Variants in DLC1 observed in about 807,000 individuals in gnomAD.
DLC1 encodes DLC1 Rho GTPase activating protein, also known as rho GTPase-activating protein 7.
A neutral mutation model predicts 140.3 loss-of-function variants in DLC1; 54 were observed. That is an observed-to-expected ratio of 0.38 (90% CI 0.31 to 0.48). The LOEUF (loss-of-function observed/expected upper bound fraction) is 0.48. DLC1 is among the 20% of genes least tolerant of loss of function. The probability of loss-of-function intolerance (pLI) is 0.96; values close to 1 mark genes in which losing one functional copy is unlikely to be tolerated. For synonymous variants in DLC1, 986 were observed against 728.1 expected (o/e 1.35, Z -5.70); for missense variants, 2,536 against 1,907.0 (o/e 1.33, Z -6.14).
At chr8:13,360,940 GAC>G (rs2117074610) in intron 4 of DLC1, among the ~76,000 whole-genome samples, 1 of 151,110 alleles carries the variant, frequency 6.6e-6, no homozygotes, top group South Asian at 2.1e-4. Context: ...TTCTTAAAGA[GAC>G]AATATTGGCT....
chr8:13,421,800 C>T (rs977846339), intron 2 of DLC1, among the ~76,000 whole-genome samples: 3 of 152,202 alleles, frequency 2.0e-5, no homozygotes, highest in African/African-American at 7.2e-5. Context: ...ATGGCTTCTT[C>T]TTTCCCAATA....
At chr8:13,543,369 A>T (rs1803550076) in intron 1 of DLC1, among the ~76,000 whole-genome samples, 1 of 152,308 alleles carries the variant, frequency 6.6e-6, no homozygotes, top group South Asian at 2.1e-4. Flanking sequence ...TAGCTAGTGC[A>T]GTCATCTGGT....
At chr8:13,249,922 C>T (rs1829930989) in intron 5 of DLC1, among the ~76,000 whole-genome samples, 1 of 152,178 alleles carries the variant, frequency 6.6e-6, no homozygotes, top group Admixed American at 6.6e-5. Flanking sequence ...ACCTGTCATC[C>T]ACTCTTCCTG....
At chr8:13,138,823 G>A (rs1822757806) in intron 5 of DLC1, among the ~76,000 whole-genome samples, 2 of 152,292 alleles carry the variant, frequency 1.3e-5, no homozygotes, top group South Asian at 4.1e-4. Context: ...AGTGTAGGAT[G>A]AAGAAAGAGG....
At chr8:13,142,514 A>G (rs1194345993) in intron 5 of DLC1, among the ~76,000 whole-genome samples, 1 of 152,222 alleles carries the variant, frequency 6.6e-6, no homozygotes, top group African/African-American at 2.4e-5. Context: ...TAATAAAAAT[A>G]AAAATCTAGC....
chr8:13,142,884 T>C (rs1356471486), intron 5 of DLC1, among the ~76,000 whole-genome samples: 1 of 151,998 alleles, frequency 6.6e-6, no homozygotes, highest in Admixed American at 6.6e-5. Flanking sequence ...ACTCCATCTG[T>C]ACTAAAAATA....
chr8:13,204,208 G>A (rs999457743), intron 5 of DLC1, among the ~76,000 whole-genome samples: 1 of 152,146 alleles, frequency 6.6e-6, no homozygotes, highest in South Asian at 2.1e-4. Context: ...TTAGGATGAC[G>A]GGACCCGCGG....
intron 2 of DLC1, among the ~76,000 whole-genome samples, chr8:13,429,285 A>T (rs888348639): frequency 3.3e-5 from 5 of 152,232 alleles, no homozygotes; most frequent in Non-Finnish European, 7.3e-5. Flanking sequence ...ATTCTTAAAC[A>T]TATTAAAGTT....
At chr8:13,202,617 C>T (rs990227885) in intron 5 of DLC1, among the ~76,000 whole-genome samples, 3 of 152,154 alleles carry the variant, frequency 2.0e-5, no homozygotes, top group Admixed American at 1.3e-4. Context: ...TCACTTCCCA[C>T]ACTGTGACTT....
Position 13,499,162 on chromosome 8 carries a change from T to C in DLC1, c.910A>G (p.Asn304Asp). 6.2e-7 allele frequency: 1 copy of C among 1,614,210 alleles called. No individual in the cohort carries two copies. The highest frequency in any genetic ancestry group is 8.5e-7 in the Non-Finnish European group (1 of 1,180,018). The change falls in exon 2 of 18, where the codon AAC becomes GAC. Residue 304 changes from asparagine to aspartate, a missense_variant. By Grantham distance (23) the Asn-to-Asp change is conservative. Coordinates refer to ENST00000276297, the MANE Select transcript of DLC1 (RefSeq NM_182643.3). ...LEKSGFSQHQ[N>D]KSPPKVKAED... ...GCCTTGACCTTTGGTGGACTTTTGT[T>C]TTGATGTTGTGAAAAACCACTCTTC... is the stretch of plus-strand genomic sequence containing the variant.
chr8:13,110,672 C>T, intron 7 of DLC1, 70 bp downstream of exon 7: 1 of 1,415,936 alleles, frequency 7.1e-7, no homozygotes, highest in Admixed American at 1.8e-5. Context: ...GCAAACAAAG[C>T]CTATCTTTGT....
intron 5 of DLC1, among the ~76,000 whole-genome samples, chr8:13,135,692 AT>A (rs1348784349): frequency 6.6e-6 from 1 of 152,164 alleles, no homozygotes; most frequent in Non-Finnish European, 1.5e-5. Context: ...AGTTCTTAAT[AT>A]TTTTTGTTTG....
intron 1 of DLC1, among the ~76,000 whole-genome samples, chr8:13,508,470 T>C (rs910854048): frequency 2.7e-5 from 4 of 149,644 alleles, no homozygotes; most frequent in Non-Finnish European, 4.4e-5. Context: ...CAGGCTGGAG[T>C]GCAGTGGCGC....
chr8:13,465,254 C>T (rs993820877), intron 2 of DLC1, among the ~76,000 whole-genome samples: 4 of 152,178 alleles, frequency 2.6e-5, no homozygotes, highest in Non-Finnish European at 5.9e-5. Context: ...GTTTCTAGGA[C>T]ACACTTCTAG....
At chr8:13,319,014 A>G (rs150721902) in intron 4 of DLC1, among the ~76,000 whole-genome samples, 1 of 152,318 alleles carries the variant, frequency 6.6e-6, no homozygotes, top group African/African-American at 2.4e-5. Flanking sequence ...GGGTGCTGAC[A>G]AGGAGCACTT....
intron 6 of DLC1, 148 bp downstream of exon 6, chr8:13,115,438 G>T: frequency 1.4e-6 from 1 of 714,042 alleles, no homozygotes. Flanking sequence ...TGTTTTCAGC[G>T]GTGGGGGTCT....
At chr8:13,603,970 A>C (rs1284266185) in intron 1 of DLC1, among the ~76,000 whole-genome samples, 1 of 152,156 alleles carries the variant, frequency 6.6e-6, no homozygotes, top group East Asian at 1.9e-4. Context: ...TAAATGGTGT[A>C]CTTAATAGGT....
At chr8:13,329,054 C>T (rs1833486214) in intron 4 of DLC1, among the ~76,000 whole-genome samples, 1 of 152,084 alleles carries the variant, frequency 6.6e-6, no homozygotes, top group African/African-American at 2.4e-5. Flanking sequence ...AATCACTGAT[C>T]CAGACATTGA....
intron 5 of DLC1, among the ~76,000 whole-genome samples, chr8:13,219,579 C>T (rs1828442065): frequency 6.6e-6 from 1 of 151,224 alleles, no homozygotes; most frequent in Non-Finnish European, 1.5e-5. Context: ...TTCAAATTTC[C>T]TTCGTGCTCA....
Sources: allele counts gnomAD v4.1 joint callset (sites outside exome capture counted in the v4.1 genomes callset), GRCh38; gene constraint gnomAD v4.1.1; transcripts MANE v1.5; gene names NCBI Gene and HGNC (gene_info 2026-07-23, HGNC 2026-07-21).